Variants in FHIP1A observed in about 807,000 individuals in gnomAD.
FHIP1A encodes FHF complex subunit HOOK interacting protein 1A.
Under a neutral mutation model 88.6 loss-of-function variants are expected in FHIP1A, and 61 were observed. The ratio of observed to expected loss-of-function variants is 0.69; its 90% CI spans 0.56 to 0.85. The LOEUF is 0.85. Ranked by LOEUF, FHIP1A falls within the 40% of genes least tolerant of loss-of-function variation. FHIP1A has a pLI of 0.00. For missense variants in FHIP1A, 1,154 were observed against 1,273.5 expected, an observed-to-expected ratio of 0.91 and a Z score of 1.43; for synonymous variants, 478 against 496.0, an observed-to-expected ratio of 0.96 and a Z score of 0.48.
At chr4:151,551,253 A>C (rs966147355) in intron 3 of FHIP1A, among the ~76,000 whole-genome samples, 5 of 152,186 alleles carry the variant, frequency 3.3e-5, no homozygotes, top group African/African-American at 1.2e-4. Context: ...GTAGATAGGT[A>C]ATTGTACAAG....
At chr4:151,528,166 C>G (rs1304030354) in intron 3 of FHIP1A, among the ~76,000 whole-genome samples, 1 of 152,172 alleles carries the variant, frequency 6.6e-6, no homozygotes, top group Non-Finnish European at 1.5e-5. Context: ...CTAATAGGAA[C>G]AGTAATTTTC....
In FHIP1A at chr4:151,583,144, A is replaced by G. The variant is rs932338779; in HGVS notation, c.733-3497A>G. ...CAGTCTGTGTTCTAGAAATATGTGC[A>G]GTCTGGGTGAATGAATCTGAACTCT... On this transcript the variant is annotated intron_variant, in intron 5 of 13. Transcript: ENST00000435205. 3.5e-4 allele frequency among the ~76,000 whole-genome samples: 54 copies of G among 152,218 alleles called. 1 individual carries two copies. Among genetic ancestry groups the G allele is most frequent in the Admixed American group, 5.2e-4 (8 of 15,278 alleles).
chr4:151,591,759 G>A (rs1335472102), intron 7 of FHIP1A, among the ~76,000 whole-genome samples: 1 of 152,100 alleles, frequency 6.6e-6, no homozygotes, highest in Non-Finnish European at 1.5e-5. Context: ...CTTCATCCAT[G>A]TCCCTGCAAA....
chr4:151,592,413 C>A (rs918375631), intron 7 of FHIP1A, among the ~76,000 whole-genome samples: 1 of 152,254 alleles, frequency 6.6e-6, no homozygotes, highest in African/African-American at 2.4e-5. Flanking sequence ...AGATTACAGG[C>A]GTGAGCCACC....
intron 1 of FHIP1A, among the ~76,000 whole-genome samples, chr4:151,447,884 G>A (rs530232633): frequency 6.6e-6 from 1 of 152,228 alleles, no homozygotes; most frequent in South Asian, 2.1e-4. Flanking sequence ...CCTGCACCTC[G>A]ATCTTGGACT....
At chr4:151,640,250 ATGAG>A (rs1409670346) in intron 9 of FHIP1A, among the ~76,000 whole-genome samples, 2 of 152,196 alleles carry the variant, frequency 1.3e-5, no homozygotes, top group African/African-American at 4.8e-5. Context: ...TGATTACAAA[ATGAG>A]TGTGAAAAAG....
chr4:151,505,072 T>C (rs541312774), intron 3 of FHIP1A, among the ~76,000 whole-genome samples: 36 of 152,298 alleles, frequency 2.4e-4, no homozygotes, highest in African/African-American at 8.2e-4. Context: ...ATGTCCTCCA[T>C]GTGACACAGG....
chr4:151,554,886 C>A (rs115898679), intron 3 of FHIP1A, among the ~76,000 whole-genome samples: 1 of 152,148 alleles, frequency 6.6e-6, no homozygotes, highest in South Asian at 2.1e-4. Context: ...AGTTAGTGTG[C>A]GTAGATAATT....
rs1315894454 is a variant in FHIP1A, at chr4:151,668,927, C to T, written c.*6173C>T. On this transcript the variant is annotated 3_prime_UTR_variant, in exon 14 of 14. Coordinates refer to ENST00000435205, the MANE Select transcript of FHIP1A (RefSeq NM_001109977.3). ...CTAGTCAGAGCCTCAGCATTATACA[C>T]CCAGCCTACAGGTGTGTGGATTCCT... Among the ~76,000 whole-genome samples, 6 of 152,026 alleles carry T rather than the reference C, an allele frequency of 3.9e-5. No homozygotes were observed. Among genetic ancestry groups the T allele is most frequent in the Non-Finnish European group, 8.8e-5 (6 of 68,010 alleles).
At chr4:151,586,509 C>G (rs191064187) in intron 5 of FHIP1A, 132 bp from the exon 6 acceptor site, 8 of 662,890 alleles carry the variant, frequency 1.2e-5, no homozygotes, top group Non-Finnish European at 1.7e-5. Context: ...CTGACGGGCT[C>G]TTATACCTTT....
At chr4:151,496,736 ATTT>A (rs1439916389) in intron 3 of FHIP1A, among the ~76,000 whole-genome samples, 1 of 59,988 alleles carries the variant, frequency 1.7e-5, no homozygotes, top group African/African-American at 6.7e-5. Context: ...TTTTTTTTGT[ATTT>A]TTGATGGAGA....
At chr4:151,546,795 T>C (rs1398971295) in intron 3 of FHIP1A, among the ~76,000 whole-genome samples, 1 of 152,222 alleles carries the variant, frequency 6.6e-6, no homozygotes, top group Admixed American at 6.5e-5. Flanking sequence ...AGGAGAACCA[T>C]GAGAATATTT....
chr4:151,605,323 G>A (rs1161933219), intron 7 of FHIP1A, among the ~76,000 whole-genome samples: 1 of 152,300 alleles, frequency 6.6e-6, no homozygotes, highest in East Asian at 1.9e-4. Context: ...ATCTCTGGTG[G>A]ATAGAGGTAG....
chr4:151,422,536 G>A (rs1335320790), intron 1 of FHIP1A, among the ~76,000 whole-genome samples: 1 of 152,092 alleles, frequency 6.6e-6, no homozygotes, highest in Non-Finnish European at 1.5e-5. Context: ...ACAGGCACAA[G>A]CCACCACGTC....
At chr4:151,584,193 C>G (rs1305350026) in intron 5 of FHIP1A, among the ~76,000 whole-genome samples, 3 of 152,158 alleles carry the variant, frequency 2.0e-5, no homozygotes, top group Admixed American at 6.5e-5. Flanking sequence ...CTCCTAGGCC[C>G]TCCCATGACT....
chr4:151,617,571 T>C (rs1023082282), intron 7 of FHIP1A, among the ~76,000 whole-genome samples: 1 of 152,114 alleles, frequency 6.6e-6, no homozygotes, highest in Non-Finnish European at 1.5e-5. Flanking sequence ...TCCTTTCCAT[T>C]CCTTGCCTGT....
intron 3 of FHIP1A, among the ~76,000 whole-genome samples, chr4:151,528,809 TAAG>T (rs1471186840): frequency 1.3e-5 from 2 of 152,212 alleles, no homozygotes; most frequent in African/African-American, 4.8e-5. Context: ...GTTTCAGTCT[TAAG>T]AAGTGTTAGA....
rs1733896005 is a variant in FHIP1A, at chr4:151,578,471, AAAGT to A, written c.732+398_732+401del. Among the ~76,000 whole-genome samples the A allele has an allele frequency of 3.3e-5, 5 of 152,324 alleles. No individual in the cohort carries two copies. In the South Asian group the frequency reaches 1.0e-3, roughly 32 times the overall value. Reference sequence around the variant, plus strand: ...ATAAGACCTCCACTGCTAGTTTCACAAAGTAATTTGTTTCTCAGCAAGAAAATGA... The same window carrying A: ...ATAAGACCTCCACTGCTAGTTTCACAAATTTGTTTCTCAGCAAGAAAATGA... On this transcript the variant is annotated intron_variant, in intron 5 of 13. Transcript: ENST00000435205.
chr4:151,456,142 TTTA>T (rs1728960203), intron 2 of FHIP1A, among the ~76,000 whole-genome samples: 1 of 152,182 alleles, frequency 6.6e-6, no homozygotes, highest in African/African-American at 2.4e-5. Flanking sequence ...ATTACAGAGA[TTTA>T]TTGACATGAT....
Sources: gnomAD v4.1 joint callset for allele counts (sites outside exome capture counted in the v4.1 genomes callset) on GRCh38, gnomAD v4.1.1 for gene constraint, MANE v1.5 for transcripts, NCBI Gene and HGNC (gene_info 2026-07-23, HGNC 2026-07-21) for gene names.